Variants in ADAMTSL1 observed in about 807,000 individuals in gnomAD.
The protein encoded by ADAMTSL1 is ADAMTS like 1.
Under a neutral mutation model 201.8 loss-of-function variants are expected in ADAMTSL1, and 126 were observed. That is an observed-to-expected ratio of 0.62 (90% CI 0.54 to 0.72). ADAMTSL1 has a LOEUF of 0.72. ADAMTSL1 is among the 30% of genes least tolerant of loss of function. The pLI is 0.00. For missense variants in ADAMTSL1, 2,679 were observed against 2,277.8 expected, an observed-to-expected ratio of 1.18 and a Z score of -3.59; for synonymous variants, 1,121 against 903.4, an observed-to-expected ratio of 1.24 and a Z score of -4.32.
intron 2 of ADAMTSL1, among the ~76,000 whole-genome samples, chr9:18,468,962 C>T (rs957376082): frequency 2.0e-5 from 3 of 152,196 alleles, no homozygotes; most frequent in African/African-American, 2.4e-5. Flanking sequence ...GAGAGGAAGA[C>T]CATGGGACAA....
At chr9:18,829,182 T>G (rs1824815051) in intron 22 of ADAMTSL1, among the ~76,000 whole-genome samples, 1 of 152,176 alleles carries the variant, frequency 6.6e-6, no homozygotes. Flanking sequence ...ACTTTTAGCA[T>G]TAACTGGGAA....
At chr9:17,976,977 T>C (rs1314261432) in intron 1 of ADAMTSL1, among the ~76,000 whole-genome samples, 1 of 152,026 alleles carries the variant, frequency 6.6e-6, no homozygotes, top group African/African-American at 2.4e-5. Context: ...TCACACATAG[T>C]CTTTATGAGG....
chr9:18,602,508 G>GA (rs1824727689), intron 4 of ADAMTSL1, among the ~76,000 whole-genome samples: 8 of 152,310 alleles, frequency 5.3e-5, no homozygotes, highest in African/African-American at 1.9e-4. Context: ...GCCCCAGACT[G>GA]GGCTTCTAAT....
intron 1 of ADAMTSL1, among the ~76,000 whole-genome samples, chr9:18,000,016 T>A (rs1433428636): frequency 6.8e-6 from 1 of 146,440 alleles, no homozygotes; most frequent in Non-Finnish European, 1.5e-5. Flanking sequence ...GTTGGACATT[T>A]GGGTTGGTTC....
At chr9:18,305,797 GT>G (rs1833886261) in intron 2 of ADAMTSL1, among the ~76,000 whole-genome samples, 1 of 152,144 alleles carries the variant, frequency 6.6e-6, no homozygotes, top group Non-Finnish European at 1.5e-5. Flanking sequence ...AGACTTGAAC[GT>G]TCCTGCCTGT....
chr9:18,234,228 G>A (rs1489234721), intron 2 of ADAMTSL1, among the ~76,000 whole-genome samples: 1 of 152,188 alleles, frequency 6.6e-6, no homozygotes, highest in Non-Finnish European at 1.5e-5. Flanking sequence ...CTGGGCTGGG[G>A]AAGCCTAGGA....
intron 2 of ADAMTSL1, among the ~76,000 whole-genome samples, chr9:18,327,100 C>G (rs1051390212): frequency 2.0e-5 from 3 of 152,176 alleles, no homozygotes; most frequent in Non-Finnish European, 4.4e-5. Flanking sequence ...TTTCAAATTA[C>G]TGGTACTCTC....
At chr9:18,358,784 C>T (rs1301705401) in intron 2 of ADAMTSL1, among the ~76,000 whole-genome samples, 4 of 152,100 alleles carry the variant, frequency 2.6e-5, no homozygotes, top group African/African-American at 9.7e-5. Flanking sequence ...GTTTGATAGA[C>T]ATTTGGATTA....
chr9:18,509,190 C>CAAAAAAAAAAAAA lies in ADAMTSL1; in HGVS notation c.191+4264_191+4276dup, dbSNP rs57922962. On this transcript the variant is annotated intron_variant, in intron 2 of 28. Coordinates refer to ENST00000380548, the MANE Select transcript of ADAMTSL1 (RefSeq NM_001040272.6). The stretch of plus-strand genomic sequence containing the variant: ...TGGGCGACAGAGCGAGACTCCGTCT[C>CAAAAAAAAAAAAA]AAAAAAAAAAAAAAAAAAAAAAAAA... Among the ~76,000 whole-genome samples, 18 of 20,464 alleles carry CAAAAAAAAAAAAA rather than the reference C, an allele frequency of 8.8e-4. 2 individuals carry two copies. Among genetic ancestry groups the CAAAAAAAAAAAAA allele is most frequent in the Non-Finnish European group, 1.2e-3 (16 of 13,740 alleles). 13.4% of individuals were successfully genotyped at this position (20,464 alleles called of 152,430 possible).
chr9:18,796,640 C>G (rs910752402), intron 20 of ADAMTSL1: 1 of 152,186 alleles, frequency 6.6e-6, no homozygotes, highest in African/African-American at 2.4e-5. Flanking sequence ...CCTTAGCAGG[C>G]GGCTTTGCGG....
At chr9:18,551,462 C>G (rs952754784) in intron 3 of ADAMTSL1, among the ~76,000 whole-genome samples, 1 of 150,738 alleles carries the variant, frequency 6.6e-6, no homozygotes, top group Non-Finnish European at 1.5e-5. Context: ...TTGAGATTGT[C>G]TATTCCTTTC....
intron 1 of ADAMTSL1, among the ~76,000 whole-genome samples, chr9:18,078,166 A>G (rs1823316266): frequency 6.6e-6 from 1 of 152,176 alleles, no homozygotes; most frequent in Non-Finnish European, 1.5e-5. Context: ...TTCAAGTGAA[A>G]CCAGTTTAAT....
chr9:18,368,405 T>C (rs150183326), intron 2 of ADAMTSL1, among the ~76,000 whole-genome samples: 77 of 152,336 alleles, frequency 5.1e-4, no homozygotes, highest in Middle Eastern at 6.8e-3. Context: ...CTGCGGTCCA[T>C]GACTGGGACA....
chr9:18,173,312 C>T (rs1827988798), intron 2 of ADAMTSL1, among the ~76,000 whole-genome samples: 1 of 152,020 alleles, frequency 6.6e-6, no homozygotes, highest in South Asian at 2.1e-4. Context: ...ATTTTTGCCT[C>T]ACAATATAAT....
chr9:18,666,923 A>G (rs906661837), intron 9 of ADAMTSL1, among the ~76,000 whole-genome samples: 14 of 152,080 alleles, frequency 9.2e-5, no homozygotes, highest in Admixed American at 7.2e-4. Context: ...TTTGTGAGAC[A>G]ATCAGAGAAC....
chr9:18,067,944 G>T (rs1000183528), intron 1 of ADAMTSL1, among the ~76,000 whole-genome samples: 1 of 151,974 alleles, frequency 6.6e-6, no homozygotes. Context: ...TGAGCACAGA[G>T]GATTTAGAGT....
intron 2 of ADAMTSL1, among the ~76,000 whole-genome samples, chr9:18,438,710 C>A (rs949275799): frequency 1.1e-4 from 16 of 152,184 alleles, no homozygotes; most frequent in Non-Finnish European, 1.9e-4. Context: ...GGGTGCCCGG[C>A]GCCAACTCCT....
chr9:18,153,471 G>A (rs1195249223), intron 1 of ADAMTSL1, among the ~76,000 whole-genome samples: 2 of 151,966 alleles, frequency 1.3e-5, no homozygotes, highest in Non-Finnish European at 2.9e-5. Flanking sequence ...TCTGTACCAG[G>A]CACTGCTAGG....
chr9:17,988,392 C>T (rs1819009975), intron 1 of ADAMTSL1, among the ~76,000 whole-genome samples: 1 of 151,936 alleles, frequency 6.6e-6, no homozygotes, highest in African/African-American at 2.4e-5. Context: ...TGAATAGCAA[C>T]CAGTTAATAC....
Sources: gnomAD v4.1 joint callset for allele counts (sites outside exome capture counted in the v4.1 genomes callset) on GRCh38, gnomAD v4.1.1 for gene constraint, MANE v1.5 for transcripts, NCBI Gene and HGNC (gene_info 2026-07-23, HGNC 2026-07-21) for gene names.